PRKAG2: variants seen among roughly 807,000 people sequenced by gnomAD.
PRKAG2 encodes the protein 5'-AMP-activated protein kinase subunit gamma-2.
Under a neutral mutation model 69.6 loss-of-function variants are expected in PRKAG2, and 26 were observed. The ratio of observed to expected loss-of-function variants is 0.37; its 90% CI spans 0.27 to 0.52. The LOEUF is 0.52. PRKAG2 is among the 20% of genes least tolerant of loss of function. PRKAG2 has a pLI of 0.90. For missense variants in PRKAG2, 557 were observed against 740.0 expected, an observed-to-expected ratio of 0.75 and a Z score of 2.87; for synonymous variants, 293 against 285.0, an observed-to-expected ratio of 1.03 and a Z score of -0.28.
intron 3 of PRKAG2, among the ~76,000 whole-genome samples, chr7:151,766,778 C>T (rs1347804962): frequency 6.6e-6 from 1 of 152,226 alleles, no homozygotes; most frequent in East Asian, 1.9e-4. Flanking sequence ...CGAGCCAGTC[C>T]GGCCTACCAC....
rs1022640906 is a variant in PRKAG2, at chr7:151,614,741, T to A, written c.754+17328A>T. On this transcript the variant is annotated intron_variant, in intron 5 of 15. Coordinates refer to ENST00000287878, the MANE Select transcript of PRKAG2 (RefSeq NM_016203.4). This position sits in a 1 kb window ranked among gnomAD's most constrained non-coding sequence, Gnocchi z 4.4. The stretch of plus-strand genomic sequence containing the variant: ...CAGCACCATGGAATGGGACTCCACC[T>A]GGGCCTTCTGAGTCCCCATCACCAG... 6.6e-6 allele frequency among the ~76,000 whole-genome samples: 1 copy of A among 152,230 alleles called. No individual in the cohort carries two copies. Among genetic ancestry groups the A allele is most frequent in the African/African-American group, 2.4e-5 (1 of 41,466 alleles).
intron 14 of PRKAG2, among the ~76,000 whole-genome samples, chr7:151,561,297 A>G (rs918347214): frequency 1.3e-5 from 2 of 152,256 alleles, no homozygotes; most frequent in South Asian, 2.1e-4. Flanking sequence ...ATTGTTAAAC[A>G]TAACTGTTTT....
chr7:151,773,630 T>C (rs2076195406), intron 3 of PRKAG2, among the ~76,000 whole-genome samples: 1 of 152,260 alleles, frequency 6.6e-6, no homozygotes, highest in Non-Finnish European at 1.5e-5. Context: ...CATTAGATCA[T>C]TCTGGAGGTC....
intron 3 of PRKAG2, among the ~76,000 whole-genome samples, chr7:151,714,468 C>T (rs978908508): frequency 7.2e-6 from 1 of 138,382 alleles, no homozygotes; most frequent in African/African-American, 2.9e-5. Context: ...CATCCACATG[C>T]CGCCATCCTC....
rs148491951 is a variant in PRKAG2 at position 151,583,108 on chromosome 7, C to T, written c.865-6656G>A. Among the ~76,000 whole-genome samples the T allele has an allele frequency of 7.2e-5, 11 of 152,306 alleles. No individual in the cohort carries two copies. The highest frequency in any genetic ancestry group is 2.6e-4 in the African/African-American group (11 of 41,572). On this transcript the variant is annotated intron_variant, in intron 6 of 15. Coordinates refer to ENST00000287878, the MANE Select transcript of PRKAG2 (RefSeq NM_016203.4). The surrounding 1 kb of genome is among the most constrained non-coding windows in gnomAD (Gnocchi z 4.1). ...TGATCACGGCTCACTGCAGCCTCAA[C>T]CTCGTAGGCTCAAGTGATCCTTATG...
chr7:151,709,605 T>G (rs1839219200), intron 3 of PRKAG2, among the ~76,000 whole-genome samples: 1 of 152,174 alleles, frequency 6.6e-6, no homozygotes, highest in African/African-American at 2.4e-5. Flanking sequence ...CATGTGATAC[T>G]GAATGACGAG....
At chr7:151,570,020 G>C in intron 10 of PRKAG2, 151 bp downstream of exon 10, 1 of 870,014 alleles carries the variant, frequency 1.1e-6, no homozygotes, top group Middle Eastern at 2.8e-4. Flanking sequence ...AGTGTTCCTA[G>C]ATTTACTGAA....
chr7:151,559,449 C>T (rs906467429), intron 15 of PRKAG2: 4 of 985,216 alleles, frequency 4.1e-6, no homozygotes, highest in Admixed American at 6.2e-5. Context: ...GTTTCTGATT[C>T]AGTGGATATG....
At chr7:151,721,135 TG>T (rs1033877514) in intron 3 of PRKAG2, among the ~76,000 whole-genome samples, 1 of 151,520 alleles carries the variant, frequency 6.6e-6, no homozygotes, top group Non-Finnish European at 1.5e-5. Context: ...GAGGGCTGGA[TG>T]GGGCAGCCTG....
Position 151,797,281 on chromosome 7 carries a change from G to A in PRKAG2, c.115-10740C>T, listed in dbSNP as rs547443889. Among the ~76,000 whole-genome samples the A allele has an allele frequency of 1.8e-3, 250 of 141,754 alleles. 1 individual carries two copies. The highest frequency in any genetic ancestry group is 6.2e-3 in the East Asian group (27 of 4,330). The allele number at this position is 141,754 out of a possible 152,430, so 93.0% of individuals were successfully genotyped here. On this transcript the variant is annotated intron_variant, in intron 1 of 15. Transcript: ENST00000287878. The stretch of plus-strand genomic sequence containing the variant: ...GCTCCCCACCGGGTACACACCCAGC[G>A]GTTTTGGTTAGTGCTTGAAGACAAA...
Position 151,781,045 on chromosome 7 carries a change from G to A in PRKAG2, c.466+107C>T, listed in dbSNP as rs966039439. The A allele has an allele frequency of 2.7e-6, 4 of 1,481,666 alleles. No individual in the cohort carries two copies. The highest frequency in any genetic ancestry group is 1.1e-5 in the South Asian group (1 of 87,516). 91.8% of individuals were successfully genotyped at this position (1,481,666 alleles called of 1,614,324 possible). On this transcript the variant is annotated intron_variant, in intron 3 of 15. Transcript: ENST00000287878. This position sits in a 1 kb window ranked among gnomAD's most constrained non-coding sequence, Gnocchi z 6.1. The stretch of plus-strand genomic sequence containing the variant: ...AACAGATACAGGCACTCAGCACCAA[G>A]CTGCTCACAGCCACCTGGCAGCTTC...
intron 3 of PRKAG2, among the ~76,000 whole-genome samples, chr7:151,769,813 C>T (rs748458143): frequency 5.3e-5 from 8 of 152,270 alleles, no homozygotes; most frequent in Non-Finnish European, 7.4e-5. Flanking sequence ...GCTGACATGG[C>T]CGAGGGTGCA....
chr7:151,596,228 T>C (rs1362243490), intron 5 of PRKAG2, among the ~76,000 whole-genome samples: 1 of 152,136 alleles, frequency 6.6e-6, no homozygotes, highest in African/African-American at 2.4e-5. Flanking sequence ...AAAACCCTAA[T>C]GACTCCATCA....
intron 1 of PRKAG2, among the ~76,000 whole-genome samples, chr7:151,787,938 C>T (rs2077094465): frequency 6.6e-6 from 1 of 152,180 alleles, no homozygotes; most frequent in South Asian, 2.1e-4. Flanking sequence ...GAAAAACCAA[C>T]CCTGCTGATA....
chr7:151,862,292 C>A (rs960621012), intron 1 of PRKAG2, among the ~76,000 whole-genome samples: 2 of 152,136 alleles, frequency 1.3e-5, no homozygotes, highest in Non-Finnish European at 2.9e-5. Context: ...CTAAAATCTG[C>A]CCCTTTTTTT....
intron 1 of PRKAG2, among the ~76,000 whole-genome samples, chr7:151,865,065 C>T (rs182025893): frequency 3.3e-4 from 50 of 152,240 alleles, no homozygotes; most frequent in South Asian, 1.0e-3. Flanking sequence ...TGACTGGTTC[C>T]GCTCAAATCC....
At chr7:151,656,874 C>T (rs1187057938) in intron 4 of PRKAG2, among the ~76,000 whole-genome samples, 2 of 152,108 alleles carry the variant, frequency 1.3e-5, no homozygotes, top group African/African-American at 4.8e-5. Context: ...CGGTGGCTCA[C>T]GCCTGTAATT....
At chr7:151,698,838 G>A (rs1048297941) in intron 3 of PRKAG2, among the ~76,000 whole-genome samples, 8 of 152,190 alleles carry the variant, frequency 5.3e-5, no homozygotes, top group Non-Finnish European at 1.0e-4. Context: ...TTACAGGCAG[G>A]GGAATGGGTG....
chr7:151,829,557 C>A (rs139040938), intron 1 of PRKAG2, among the ~76,000 whole-genome samples: 1 of 151,900 alleles, frequency 6.6e-6, no homozygotes, highest in African/African-American at 2.4e-5. Context: ...TATTTCCATA[C>A]AGAAATTTGT....
Sources: gnomAD v4.1 joint callset for allele counts (sites outside exome capture counted in the v4.1 genomes callset) on GRCh38, gnomAD v4.1.1 for gene constraint, Gnocchi (gnomAD v3.1) non-coding constraint, MANE v1.5 for transcripts, NCBI Gene and HGNC (gene_info 2026-07-23, HGNC 2026-07-21) for gene names.